AP4E1: variants seen among roughly 807,000 people sequenced by gnomAD.
AP4E1 encodes the protein adaptor related protein complex 4 subunit epsilon 1.
AP4E1 carries 56 observed loss-of-function variants against 128.2 expected under a neutral mutation model. The observed-to-expected ratio is 0.44, with a 90% CI of 0.35 to 0.55. The LOEUF (loss-of-function observed/expected upper bound fraction) is 0.55, where lower values mean the gene tolerates loss of function less well. AP4E1 is among the 20% of genes least tolerant of loss of function. AP4E1 has a pLI of 0.00. For synonymous variants in AP4E1, 484 were observed against 473.1 expected (o/e 1.02, Z -0.30); for missense variants, 1,324 against 1,307.7 (o/e 1.01, Z -0.19).
In AP4E1 at chr15:50,915,677, T is replaced by A. The variant is rs980114622; in HGVS notation, c.346+106T>A. 5 of 1,324,164 alleles carry A rather than the reference T, an allele frequency of 3.8e-6. No homozygotes were observed. The East Asian group carries it at 1.2e-4, about 31-fold the overall frequency. The allele number at this position is 1,324,164 out of a possible 1,614,324, so 82.0% of individuals were successfully genotyped here. ...TATATAGTATGTTTTTAGAATACTG[T>A]ATTATAATTTCTAAAACTTTAAAAG... On this transcript the variant is annotated intron_variant, in intron 3 of 20. Coordinates refer to ENST00000261842, the MANE Select transcript of AP4E1 (RefSeq NM_007347.5).
chr15:50,933,499 G>A (rs973616827), intron 7 of AP4E1, among the ~76,000 whole-genome samples: 15 of 152,092 alleles, frequency 9.9e-5, no homozygotes, highest in African/African-American at 3.4e-4. Context: ...ATTTCATGTG[G>A]TTAAGACTCA....
At chr15:50,945,896 A>C in intron 10 of AP4E1, 1 of 1,044,856 alleles carries the variant, frequency 9.6e-7, no homozygotes. Context: ...ATCATGAAAG[A>C]AGCTCGTCGA....
intron 13 of AP4E1, among the ~76,000 whole-genome samples, chr15:50,956,681 G>T (rs1322124709): frequency 6.6e-6 from 1 of 152,134 alleles, no homozygotes; most frequent in Non-Finnish European, 1.5e-5. Flanking sequence ...CAGCATGGGG[G>T]AAACTGCCCC....
At chr15:50,950,982 G>C (rs1458937728) in intron 13 of AP4E1, among the ~76,000 whole-genome samples, 1 of 152,106 alleles carries the variant, frequency 6.6e-6, no homozygotes, top group Non-Finnish European at 1.5e-5. Context: ...AGTATTCCAT[G>C]GTGTATATGT....
At chr15:50,916,608 C>T (rs1416988175) in intron 3 of AP4E1, among the ~76,000 whole-genome samples, 1 of 152,230 alleles carries the variant, frequency 6.6e-6, no homozygotes. Context: ...TATCAGATGA[C>T]GGGGTGAAGG....
At chr15:50,984,945 T>C (rs1363030728) in intron 16 of AP4E1, among the ~76,000 whole-genome samples, 1 of 152,162 alleles carries the variant, frequency 6.6e-6, no homozygotes, top group Non-Finnish European at 1.5e-5. Flanking sequence ...GTGTTCCTAT[T>C]TCTCCACATC....
chr15:50,955,629 G>T (rs553945229), intron 13 of AP4E1, among the ~76,000 whole-genome samples: 39 of 152,276 alleles, frequency 2.6e-4, no homozygotes, highest in African/African-American at 8.7e-4. Flanking sequence ...GGAAAATCCT[G>T]ACTCCATCAG....
intron 10 of AP4E1, among the ~76,000 whole-genome samples, chr15:50,946,716 A>G (rs2064066474): frequency 6.6e-6 from 1 of 152,238 alleles, no homozygotes; most frequent in African/African-American, 2.4e-5. Context: ...ACACCAATAA[A>G]TGATGCTTTC....
At chr15:50,957,940 G>A (rs143782614) in intron 13 of AP4E1, among the ~76,000 whole-genome samples, 100 of 152,070 alleles carry the variant, frequency 6.6e-4, no homozygotes, top group African/African-American at 2.3e-3. Context: ...CCAAAGTGCT[G>A]GGATTACAGG....
intron 17 of AP4E1, among the ~76,000 whole-genome samples, chr15:50,996,319 GTCCCAT>G (rs2064873795): frequency 6.6e-6 from 1 of 151,824 alleles, no homozygotes; most frequent in Non-Finnish European, 1.5e-5. Flanking sequence ...TCTACCTTGA[GTCCCAT>G]TACTACTGAA....
intron 1 of AP4E1, among the ~76,000 whole-genome samples, chr15:50,910,268 C>T (rs1421818492): frequency 1.3e-5 from 2 of 152,226 alleles, no homozygotes; most frequent in Non-Finnish European, 2.9e-5. Flanking sequence ...CAGGCATGAG[C>T]CACCGCGCCG....
At chr15:50,933,688 T>C (rs1027823648) in intron 7 of AP4E1, among the ~76,000 whole-genome samples, 14 of 152,286 alleles carry the variant, frequency 9.2e-5, no homozygotes, top group African/African-American at 3.4e-4. Context: ...TTCTTAATTA[T>C]TGGATATTTA....
At chr15:50,980,694 G>A (rs1036227583) in intron 15 of AP4E1, among the ~76,000 whole-genome samples, 1 of 152,110 alleles carries the variant, frequency 6.6e-6, no homozygotes, top group Non-Finnish European at 1.5e-5. Flanking sequence ...GTTTTCAGGG[G>A]ATGACCAGCG....
chr15:50,913,420 C>G (rs1164067320), intron 2 of AP4E1, among the ~76,000 whole-genome samples: 2 of 152,058 alleles, frequency 1.3e-5, no homozygotes, highest in Non-Finnish European at 2.9e-5. Context: ...TGAAGTTGGG[C>G]AGAACTAAGA....
intron 14 of AP4E1, among the ~76,000 whole-genome samples, chr15:50,963,414 A>G (rs2064342515): frequency 6.6e-6 from 1 of 152,212 alleles, no homozygotes; most frequent in Non-Finnish European, 1.5e-5. Flanking sequence ...CTATTCAGCC[A>G]AATAATATCC....
Position 50,908,921 on chromosome 15 carries a change from C to G in AP4E1, c.143C>G (p.Ser48Cys). The change falls in exon 1 of 21, where the codon TCC (serine) becomes TGC (cysteine). Residue 48 changes from serine (S) to cysteine (C), a missense_variant. By Grantham distance (112) the Ser-to-Cys change is moderately radical. Transcript: ENST00000261842. The stretch of plus-strand genomic sequence containing the variant: ...GTCCGCGGCATCACAGCCCTCACCT[C>G]CAAGCACGTAGGTGCCCGCCGGCCC... ...SLVRGITALT[S>C]KHEEEKLIQQ... The G allele has an allele frequency of 1.2e-6, 2 of 1,611,048 alleles. No individual in the cohort carries two copies. The highest frequency in any genetic ancestry group is 1.7e-6 in the Non-Finnish European group (2 of 1,179,498).
rs576357496 is a variant in AP4E1 at position 50,999,335 on chromosome 15, A to G, written c.3095+73A>G. The G allele has an allele frequency of 2.2e-5, 29 of 1,330,988 alleles. No homozygotes were observed. In the African/African-American group the frequency reaches 3.3e-4, roughly 15 times the overall value. 82.4% of individuals were successfully genotyped at this position (1,330,988 alleles called of 1,614,324 possible). A position where few individuals can be genotyped will look rare whatever the true frequency, so the allele number is the denominator to read the frequency against. On this transcript the variant is annotated intron_variant, in intron 19 of 20. Coordinates refer to ENST00000261842, the MANE Select transcript of AP4E1 (RefSeq NM_007347.5). ...TTTTTTAGACCTCTTCTCTGGATGG[A>G]GGCACTATGTTGGGTGCTAGGGAGT...
At chr15:50,994,454 C>A (rs1434495480) in intron 17 of AP4E1, among the ~76,000 whole-genome samples, 1 of 152,124 alleles carries the variant, frequency 6.6e-6, no homozygotes, top group Non-Finnish European at 1.5e-5. Context: ...AGATGGTATA[C>A]CATACTATAT....
intron 15 of AP4E1, among the ~76,000 whole-genome samples, chr15:50,968,687 G>T (rs2064430512): frequency 6.6e-6 from 1 of 152,144 alleles, no homozygotes; most frequent in South Asian, 2.1e-4. Context: ...CTGTGCAGTG[G>T]CACGATCTGG....
Sources: gnomAD v4.1 joint callset for allele counts (sites outside exome capture counted in the v4.1 genomes callset) on GRCh38, gnomAD v4.1.1 for gene constraint, MANE v1.5 for transcripts, NCBI Gene and HGNC (gene_info 2026-07-23, HGNC 2026-07-21) for gene names.